Variants in ADAMTSL1 observed in about 807,000 individuals in gnomAD.
ADAMTSL1 encodes ADAMTS-like protein 1.
A neutral mutation model predicts 201.8 loss-of-function variants in ADAMTSL1; 126 were observed. The ratio of observed to expected loss-of-function variants is 0.62; its 90% CI spans 0.54 to 0.72. The LOEUF (loss-of-function observed/expected upper bound fraction) is 0.72, where lower values mean the gene tolerates loss of function less well. ADAMTSL1 is among the 30% of genes least tolerant of loss of function. The pLI is 0.00. For missense variants in ADAMTSL1, 2,679 were observed against 2,277.8 expected, an observed-to-expected ratio of 1.18 and a Z score of -3.59; for synonymous variants, 1,121 against 903.4, an observed-to-expected ratio of 1.24 and a Z score of -4.32.
chr9:18,598,780 C>T (rs1323601223), intron 4 of ADAMTSL1, among the ~76,000 whole-genome samples: 1 of 151,782 alleles, frequency 6.6e-6, no homozygotes, highest in African/African-American at 2.4e-5. Flanking sequence ...GCTGTGTGAG[C>T]ATGGGTTTAT....
rs889807278 is a variant in ADAMTSL1 at position 18,021,928 on chromosome 9, G to A, written c.87+115006G>A. The stretch of plus-strand genomic sequence containing the variant: ...GAACAGGTCAGAGGTGGCTATTGGG[G>A]ATGTTTCTAAAGAATGTTCATAATG... On this transcript the variant is annotated intron_variant, in intron 1 of 29. Transcript: ENST00000680146. 7.9e-5 allele frequency among the ~76,000 whole-genome samples: 12 copies of A among 152,242 alleles called. 1 individual carries two copies. In the South Asian group the frequency reaches 2.5e-3, roughly 32 times the overall value.
At position 18,826,315 on chromosome 9, in the gene ADAMTSL1, G is replaced by T; in HGVS notation, c.3966G>T (p.Arg1322Ser). 1 of 1,613,034 alleles carries T rather than the reference G, an allele frequency of 6.2e-7. No homozygotes were observed. The highest frequency in any genetic ancestry group is 8.5e-7 in the Non-Finnish European group (1 of 1,179,644). ...CTGAAGCTGAAGTCACTTGGTTCAG[G>T]AATAAAAGCAAACTGGGCTCCCCGC... ...GVPEAEVTWFRNKSKLGSPHH... is the reference protein window; with the variant it reads ...GVPEAEVTWFSNKSKLGSPHH... The change falls in exon 22 of 29, where the codon AGG becomes AGT. Residue 1322 changes from arginine to serine, a missense_variant. Coordinates refer to ENST00000380548, the MANE Select transcript of ADAMTSL1 (RefSeq NM_001040272.6).
intron 2 of ADAMTSL1, among the ~76,000 whole-genome samples, chr9:18,341,882 A>G (rs1563898814): frequency 6.6e-6 from 1 of 152,152 alleles, no homozygotes; most frequent in Non-Finnish European, 1.5e-5. Context: ...CCAAAGTATT[A>G]TGTTCAATGA....
At chr9:18,243,385 C>T (rs962942814) in intron 2 of ADAMTSL1, among the ~76,000 whole-genome samples, 2 of 152,146 alleles carry the variant, frequency 1.3e-5, no homozygotes, top group African/African-American at 4.8e-5. Context: ...AGATGTGCTT[C>T]TATCCCCACC....
chr9:18,890,261 A>G (rs1829162110), intron 25 of ADAMTSL1, among the ~76,000 whole-genome samples: 1 of 152,200 alleles, frequency 6.6e-6, no homozygotes, highest in African/African-American at 2.4e-5. Context: ...AAGTTGGAAT[A>G]AATCTCTGTT....
intron 20 of ADAMTSL1, among the ~76,000 whole-genome samples, chr9:18,809,456 G>T (rs532882423): frequency 6.6e-6 from 1 of 152,252 alleles, no homozygotes; most frequent in South Asian, 2.1e-4. Context: ...AGGTGATATA[G>T]ACCACTGGGT....
At chr9:18,021,952 T>G (rs1820495584) in intron 1 of ADAMTSL1, among the ~76,000 whole-genome samples, 1 of 152,144 alleles carries the variant, frequency 6.6e-6, no homozygotes, top group Admixed American at 6.5e-5. Flanking sequence ...ATGTTCATAA[T>G]GAAAGCTCAT....
intron 2 of ADAMTSL1, among the ~76,000 whole-genome samples, chr9:18,433,617 A>T (rs563605001): frequency 6.6e-6 from 1 of 152,296 alleles, no homozygotes; most frequent in South Asian, 2.1e-4. Flanking sequence ...GTCGAATTCA[A>T]GGCAAAATTT....
chr9:17,973,114 T>C (rs1044707270), intron 1 of ADAMTSL1, among the ~76,000 whole-genome samples: 89 of 117,478 alleles, frequency 7.6e-4, no homozygotes, highest in African/African-American at 2.6e-3. Flanking sequence ...TTCTGTAGGT[T>C]GCCTGTTCAC....
At chr9:18,794,488 A>T (rs1822251342) in intron 19 of ADAMTSL1, among the ~76,000 whole-genome samples, 1 of 152,042 alleles carries the variant, frequency 6.6e-6, no homozygotes, top group African/African-American at 2.4e-5. Context: ...TAAAGACAAT[A>T]GATGTATATA....
intron 2 of ADAMTSL1, among the ~76,000 whole-genome samples, chr9:18,521,205 C>T (rs997325381): frequency 3.5e-4 from 53 of 152,050 alleles, no homozygotes; most frequent in Non-Finnish European, 4.4e-5. Context: ...TTATGAAGAA[C>T]ATTGTAAGCA....
At chr9:18,548,239 G>A (rs1470871823) in intron 3 of ADAMTSL1, among the ~76,000 whole-genome samples, 1 of 151,994 alleles carries the variant, frequency 6.6e-6, no homozygotes, top group African/African-American at 2.4e-5. Context: ...TCCCAGCTGT[G>A]GTTGAACAAG....
chr9:18,777,538 G>C lies in ADAMTSL1; in HGVS notation c.3309G>C (p.Gln1103His). 6.2e-7 allele frequency: 1 copy of C among 1,602,894 alleles called. No individual in the cohort carries two copies. Among genetic ancestry groups the C allele is most frequent in the Non-Finnish European group, 8.5e-7 (1 of 1,175,138 alleles). ...TCTACAGCAAGCACCTGGTGGCCCA[G>C]CTGGCCCAGGAGATCTTCCGCAGCC... ...RDLYSKHLVAQLAQEIFRSHL... is the reference protein window; with the variant it reads ...RDLYSKHLVAHLAQEIFRSHL... The change falls in exon 19 of 29, where the codon CAG becomes CAC. Residue 1103 changes from glutamine to histidine, a missense_variant. Transcript: ENST00000380548.
chr9:18,207,291 G>A (rs1432000980), intron 2 of ADAMTSL1, among the ~76,000 whole-genome samples: 2 of 152,128 alleles, frequency 1.3e-5, no homozygotes, highest in Non-Finnish European at 1.5e-5. Flanking sequence ...TATTATAATG[G>A]CAATAGCTAA....
At chr9:18,636,111 A>G (rs1827095475) in intron 6 of ADAMTSL1, 94 bp downstream of exon 6, 4 of 1,041,720 alleles carry the variant, frequency 3.8e-6, no homozygotes, top group Non-Finnish European at 5.5e-6. Flanking sequence ...ACAAGAATAC[A>G]AATCTTTCTA....
At chr9:18,227,200 T>C (rs1830461627) in intron 2 of ADAMTSL1, among the ~76,000 whole-genome samples, 1 of 152,174 alleles carries the variant, frequency 6.6e-6, no homozygotes, top group South Asian at 2.1e-4. Context: ...CTGTACTATA[T>C]CCATGCTAAA....
intron 2 of ADAMTSL1, among the ~76,000 whole-genome samples, chr9:18,230,076 T>A (rs184372730): frequency 6.6e-6 from 1 of 152,128 alleles, no homozygotes; most frequent in Non-Finnish European, 1.5e-5. Flanking sequence ...AGAAAGAATT[T>A]CCCACCCTCA....
intron 1 of ADAMTSL1, among the ~76,000 whole-genome samples, chr9:18,122,767 G>T (rs926575419): frequency 2.0e-5 from 3 of 152,070 alleles, no homozygotes; most frequent in African/African-American, 7.2e-5. Flanking sequence ...CAACTGGGCA[G>T]GGCAGGTTGG....
chr9:18,057,103 G>T (rs725546), intron 1 of ADAMTSL1, among the ~76,000 whole-genome samples: 1 of 151,966 alleles, frequency 6.6e-6, no homozygotes, highest in South Asian at 2.1e-4. Flanking sequence ...TGCACACTAG[G>T]TACAGCAGAG....
Sources: gnomAD v4.1 joint callset for allele counts (sites outside exome capture counted in the v4.1 genomes callset) on GRCh38, gnomAD v4.1.1 for gene constraint, MANE v1.5 for transcripts, NCBI Gene and HGNC (gene_info 2026-07-23, HGNC 2026-07-21) for gene names.